TRAF3IP1: variants seen among roughly 807,000 people sequenced by gnomAD.
The protein encoded by TRAF3IP1 is intraflagellar transport 54, also known as TRAF3-interacting protein 1.
Under a neutral mutation model 89.9 loss-of-function variants are expected in TRAF3IP1, and 53 were observed. The ratio of observed to expected loss-of-function variants is 0.59; its 90% CI spans 0.47 to 0.74. TRAF3IP1 has a LOEUF of 0.74. Among genes scored for constraint, TRAF3IP1 ranks in the 30% least tolerant of loss-of-function variants. The probability of loss-of-function intolerance (pLI) is 0.00; values close to 1 mark genes in which losing one functional copy is unlikely to be tolerated. For missense variants in TRAF3IP1, 806 were observed against 866.1 expected (o/e 0.93, Z 0.87); for synonymous variants, 311 against 322.1 (o/e 0.97, Z 0.37).
intron 8 of TRAF3IP1, among the ~76,000 whole-genome samples, chr2:238,339,674 A>T (rs13391057): frequency 0.11 from 16,939 of 152,262 alleles, 1,553 homozygotes; most frequent in African/African-American, 0.25. Flanking sequence ...CTCGTCATAA[A>T]TGGGCGTAAA....
chr2:238,392,131 C>G (rs74404946), intron 15 of TRAF3IP1, among the ~76,000 whole-genome samples: 9,446 of 152,180 alleles, frequency 0.062, 386 homozygotes, highest in Non-Finnish European at 0.081. Context: ...GCTACTTTGG[C>G]AGGCTGAGGC....
Position 238,399,087 on chromosome 2 carries a change from T to TAA in TRAF3IP1, c.*174_*175dup, listed in dbSNP as rs1357364815. 5 of 606,642 alleles carry TAA rather than the reference T, an allele frequency of 8.2e-6. No homozygotes were observed. The highest frequency in any genetic ancestry group is 1.3e-5 in the Non-Finnish European group (5 of 373,858). The allele number at this position is 606,642 out of a possible 1,614,324, so 37.6% of individuals were successfully genotyped here. On this transcript the variant is annotated 3_prime_UTR_variant, in exon 17 of 17. Coordinates refer to ENST00000373327, the MANE Select transcript of TRAF3IP1 (RefSeq NM_015650.4). ...AAAACTGTAAGCATGTTAAGTGTAT[T>TAA]AAAAAAACCATGTTTTCTTACCTCC...
At chr2:238,334,169 G>A (rs190631404) in intron 7 of TRAF3IP1, 134 bp downstream of exon 7, 46 of 696,146 alleles carry the variant, frequency 6.6e-5, no homozygotes, top group African/African-American at 2.4e-4. Flanking sequence ...AATGAACAGC[G>A]TGTGGAAATA....
intron 15 of TRAF3IP1, among the ~76,000 whole-genome samples, chr2:238,382,132 G>A (rs1700576854): frequency 1.3e-5 from 2 of 152,220 alleles, no homozygotes; most frequent in South Asian, 4.1e-4. Flanking sequence ...ACATGTGAGA[G>A]AGGAGATGAC....
intron 15 of TRAF3IP1, among the ~76,000 whole-genome samples, chr2:238,365,588 T>C (rs1699839889): frequency 1.3e-5 from 2 of 151,794 alleles, no homozygotes; most frequent in East Asian, 3.9e-4. Flanking sequence ...AGCCCACAAG[T>C]TTGAGGCCGC....
rs559383110 is a variant in TRAF3IP1, at chr2:238,379,320, C to T, written c.1690-18139C>T. Among the ~76,000 whole-genome samples the T allele has an allele frequency of 2.9e-4, 44 of 152,354 alleles. No homozygotes were observed. Among genetic ancestry groups the T allele is most frequent in the African/African-American group, 1.1e-3 (44 of 41,576 alleles). On this transcript the variant is annotated intron_variant, in intron 15 of 16. Transcript: ENST00000373327. The surrounding 1 kb of genome is among the most constrained non-coding windows in gnomAD (Gnocchi z 4.0). ...TCTCTGACCCGGGCTCTGCTATCCT[C>T]ACAGCATTGGTCACTGACTGAGACC...
intron 15 of TRAF3IP1, among the ~76,000 whole-genome samples, chr2:238,359,596 T>C (rs1699573967): frequency 6.6e-6 from 1 of 152,244 alleles, no homozygotes; most frequent in Admixed American, 6.5e-5. Context: ...ATTGTATGGA[T>C]ATACCACAGT....
Position 238,349,355 on chromosome 2 carries a change from A to G in TRAF3IP1, c.1398A>G (p.Pro466=), listed in dbSNP as rs1699042039. ...RRIPRPGSAR[P]APPRVKRQDS... ...TTCCTCGGCCTGGGAGTGCAAGACC[A>G]GCCCCTCCCCGGGTCAAACGGCAAG... The change falls in exon 12 of 17, where the codon CCA becomes CCG. Residue 466 remains proline (P), a synonymous_variant. Coordinates refer to ENST00000373327, the MANE Select transcript of TRAF3IP1 (RefSeq NM_015650.4). 6.2e-7 allele frequency: 1 copy of G among 1,614,200 alleles called. No homozygotes were observed. The highest frequency in any genetic ancestry group is 8.5e-7 in the Non-Finnish European group (1 of 1,180,044).
At chr2:238,387,064 C>G (rs541717002) in intron 15 of TRAF3IP1, among the ~76,000 whole-genome samples, 11 of 152,158 alleles carry the variant, frequency 7.2e-5, no homozygotes, top group Non-Finnish European at 1.3e-4. Context: ...AATACAGTCA[C>G]CTACAGATGA....
At chr2:238,334,060 C>G (rs1160749658) in intron 7 of TRAF3IP1, 25 bp downstream of exon 7, 1 of 1,531,000 alleles carries the variant, frequency 6.5e-7, no homozygotes, top group Non-Finnish European at 8.9e-7. Context: ...ATATATGTAG[C>G]TGAAAATATG....
intron 1 of TRAF3IP1, among the ~76,000 whole-genome samples, chr2:238,322,778 C>G (rs375790135): frequency 2.7e-5 from 4 of 148,046 alleles, no homozygotes; most frequent in African/African-American, 1.0e-4. Context: ...CAATTAGGAA[C>G]GACTGGTCTG....
Position 238,329,313 on chromosome 2 carries a change from A to C in TRAF3IP1, c.886A>C (p.Asn296His). Reference sequence around the variant, plus strand: ...CTCCTGGGACCTGGACAGGGAGAAGAACAGAGAGCATGACAAACCTGAGAA... The same window carrying C: ...CTCCTGGGACCTGGACAGGGAGAAGCACAGAGAGCATGACAAACCTGAGAA... ...EHSWDLDREK[N>H]REHDKPEKKS... is the part of the protein sequence containing the mutation. Residue 296 changes from asparagine to histidine, a missense_variant, in exon 5 of 17, where the codon AAC becomes CAC. Transcript: ENST00000373327. 1.4e-6 allele frequency: 2 copies of C among 1,406,672 alleles called. No homozygotes were observed. The highest frequency in any genetic ancestry group is 1.9e-6 in the Non-Finnish European group (2 of 1,074,164). The allele number at this position is 1,406,672 out of a possible 1,614,324, so 87.1% of individuals were successfully genotyped here.
At chr2:238,356,322 C>T (rs1026244749) in intron 15 of TRAF3IP1, among the ~76,000 whole-genome samples, 1 of 152,172 alleles carries the variant, frequency 6.6e-6, no homozygotes, top group Non-Finnish European at 1.5e-5. Flanking sequence ...CATGGTGAAA[C>T]CCTGTCTTTA....
intron 7 of TRAF3IP1, among the ~76,000 whole-genome samples, chr2:238,337,537 C>T (rs1304267961): frequency 6.6e-6 from 1 of 152,222 alleles, no homozygotes; most frequent in African/African-American, 2.4e-5. Context: ...AGAAGGCCTC[C>T]TTTTAAAACT....
chr2:238,398,671 T>G, intron 16 of TRAF3IP1, 83 bp from the exon 17 acceptor site: 1 of 1,354,628 alleles, frequency 7.4e-7, no homozygotes, highest in East Asian at 2.5e-5. Flanking sequence ...AATTTACTTC[T>G]GTTGTCTTTC....
At chr2:238,346,128 G>A (rs540673435) in intron 9 of TRAF3IP1, among the ~76,000 whole-genome samples, 12 of 152,222 alleles carry the variant, frequency 7.9e-5, no homozygotes, top group African/African-American at 2.2e-4. Context: ...CAGGTCGCAC[G>A]AGGACTCTCA....
intron 15 of TRAF3IP1, among the ~76,000 whole-genome samples, chr2:238,381,124 T>TA (rs1316642121): frequency 5.4e-5 from 8 of 148,098 alleles, no homozygotes; most frequent in African/African-American, 7.3e-5. Context: ...TTTTTTTTTT[T>TA]AATTATTTAT....
At chr2:238,335,036 C>T (rs1306665000) in intron 7 of TRAF3IP1, among the ~76,000 whole-genome samples, 1 of 152,200 alleles carries the variant, frequency 6.6e-6, no homozygotes, top group African/African-American at 2.4e-5. Context: ...TCTTTGGTTT[C>T]TCTGGGTTCT....
At chr2:238,347,238 G>A (rs774195503) in intron 9 of TRAF3IP1, 4 of 563,502 alleles carry the variant, frequency 7.1e-6, no homozygotes, top group Non-Finnish European at 6.3e-6. Flanking sequence ...ACCATTTTAT[G>A]ATGCACAGTT....
Sources: gnomAD v4.1 joint callset for allele counts (sites outside exome capture counted in the v4.1 genomes callset) on GRCh38, gnomAD v4.1.1 for gene constraint, Gnocchi (gnomAD v3.1) non-coding constraint, MANE v1.5 for transcripts, NCBI Gene and HGNC (gene_info 2026-07-23, HGNC 2026-07-21) for gene names.